IMMP2L: variants seen among roughly 807,000 people sequenced by gnomAD.
IMMP2L encodes inner mitochondrial membrane peptidase subunit 2, also known as mitochondrial inner membrane protease subunit 2.
IMMP2L carries 18 observed loss-of-function variants against 19.3 expected under a neutral mutation model. That is an observed-to-expected ratio of 0.93 (90% confidence interval 0.64 to 1.38). The LOEUF (loss-of-function observed/expected upper bound fraction) is 1.38, where lower values mean the gene tolerates loss of function less well. Among genes scored for constraint, IMMP2L ranks in the 40% most tolerant of loss-of-function variants. The pLI is 0.00. For missense variants in IMMP2L, 233 were observed against 218.2 expected (o/e 1.07, Z -0.43); for synonymous variants, 76 against 73.0 (o/e 1.04, Z -0.21).
chr7:111,554,315 C>A (rs1426279236), intron 1 of IMMP2L, among the ~76,000 whole-genome samples: 1 of 152,068 alleles, frequency 6.6e-6, no homozygotes, highest in African/African-American at 2.4e-5. Context: ...AACATATTAA[C>A]CCCCTAAGAA....
At chr7:111,106,725 T>C (rs1207742216) in intron 3 of IMMP2L, among the ~76,000 whole-genome samples, 2 of 148,088 alleles carry the variant, frequency 1.4e-5, no homozygotes, top group Non-Finnish European at 3.0e-5. Flanking sequence ...AAAACTGCCC[T>C]TACAGATCTT....
intron 5 of IMMP2L, among the ~76,000 whole-genome samples, chr7:110,865,157 G>C (rs1490172210): frequency 6.6e-6 from 1 of 151,854 alleles, no homozygotes; most frequent in African/African-American, 2.4e-5. Context: ...GATTATACGT[G>C]TCAGGAAGCG....
intron 4 of IMMP2L, among the ~76,000 whole-genome samples, chr7:110,961,164 C>T (rs950859008): frequency 6.6e-6 from 1 of 151,870 alleles, no homozygotes; most frequent in African/African-American, 2.4e-5. Flanking sequence ...TACCATAACA[C>T]TCAGCATCCC....
intron 3 of IMMP2L, among the ~76,000 whole-genome samples, chr7:111,103,817 C>T (rs1005585643): frequency 8.6e-5 from 13 of 151,588 alleles, no homozygotes; most frequent in South Asian, 4.1e-4. Flanking sequence ...ACCATTATCA[C>T]TCACCTTTCA....
intron 3 of IMMP2L, among the ~76,000 whole-genome samples, chr7:111,117,132 C>T (rs1799975380): frequency 6.6e-6 from 1 of 152,014 alleles, no homozygotes; most frequent in South Asian, 2.1e-4. Flanking sequence ...ATTCACTGAT[C>T]CTAAATTTGT....
chr7:110,777,094 AATTAGT>A (rs1045737874), intron 5 of IMMP2L, among the ~76,000 whole-genome samples: 2 of 151,984 alleles, frequency 1.3e-5, no homozygotes, highest in African/African-American at 4.8e-5. Flanking sequence ...AGTAGTAAGA[AATTAGT>A]ATCACTAGAA....
chr7:110,824,528 G>A (rs981093601), intron 5 of IMMP2L, among the ~76,000 whole-genome samples: 1 of 152,140 alleles, frequency 6.6e-6, no homozygotes, highest in South Asian at 2.1e-4. Context: ...ACCACGCCTG[G>A]CTTATTATTT....
At chr7:111,516,618 A>C (rs943396605) in intron 2 of IMMP2L, among the ~76,000 whole-genome samples, 3 of 152,260 alleles carry the variant, frequency 2.0e-5, no homozygotes, top group Admixed American at 6.5e-5. Flanking sequence ...GAAGTGAAGA[A>C]AAATCCACAA....
At chr7:110,814,280 A>AATCATTAACTG (rs1390156850) in intron 5 of IMMP2L, among the ~76,000 whole-genome samples, 1 of 151,932 alleles carries the variant, frequency 6.6e-6, no homozygotes, top group Non-Finnish European at 1.5e-5. Flanking sequence ...AAGGTAGCAA[A>AATCATTAACTG]ATCATTAACT....
At chr7:110,683,991 G>C (rs1415531532) in intron 5 of IMMP2L, among the ~76,000 whole-genome samples, 8 of 152,098 alleles carry the variant, frequency 5.3e-5, no homozygotes, top group South Asian at 2.1e-4. Flanking sequence ...TAAGACATTT[G>C]AATTTCCATA....
At chr7:111,395,195 A>C (rs912845444) in intron 3 of IMMP2L, among the ~76,000 whole-genome samples, 4 of 152,216 alleles carry the variant, frequency 2.6e-5, no homozygotes, top group Non-Finnish European at 5.9e-5. Context: ...AAGAGTAGTC[A>C]GACAGAGCAG....
At chr7:111,301,040 TAC>T (rs1480024509) in intron 3 of IMMP2L, among the ~76,000 whole-genome samples, 1 of 152,166 alleles carries the variant, frequency 6.6e-6, no homozygotes, top group Non-Finnish European at 1.5e-5. Context: ...AGAGTGGCTG[TAC>T]AATTTTGTGT....
intron 3 of IMMP2L, among the ~76,000 whole-genome samples, chr7:111,486,567 C>G (rs1350393991): frequency 6.6e-6 from 1 of 152,052 alleles, no homozygotes; most frequent in Admixed American, 6.6e-5. Context: ...TGGCTACAGT[C>G]TTCCTAGTGT....
intron 4 of IMMP2L, among the ~76,000 whole-genome samples, chr7:110,945,493 C>T (rs745530767): frequency 2.0e-5 from 3 of 151,906 alleles, no homozygotes; most frequent in East Asian, 1.9e-4. Context: ...ACATGCCTCA[C>T]GGTAAAGTAT....
chr7:111,069,717 G>C (rs980057766), intron 3 of IMMP2L, among the ~76,000 whole-genome samples: 1 of 152,064 alleles, frequency 6.6e-6, no homozygotes, highest in African/African-American at 2.4e-5. Flanking sequence ...CACATGAGGA[G>C]GCGAGATGGG....
intron 4 of IMMP2L, among the ~76,000 whole-genome samples, chr7:110,947,580 T>G (rs2129553711): frequency 6.6e-6 from 1 of 152,342 alleles, no homozygotes; most frequent in South Asian, 2.1e-4. Flanking sequence ...TTGTAAAGCT[T>G]ACTGCTTATT....
chr7:111,417,021 A>G (rs1431122395), intron 3 of IMMP2L, among the ~76,000 whole-genome samples: 2 of 151,782 alleles, frequency 1.3e-5, no homozygotes, highest in Non-Finnish European at 2.9e-5. Flanking sequence ...TTAAAGATTC[A>G]CTTTCTTAGT....
Position 110,987,045 on chromosome 7 carries a change from A to G in IMMP2L, c.240-23480T>C, listed in dbSNP as rs991612237. Among the ~76,000 whole-genome samples the G allele has an allele frequency of 3.3e-5, 5 of 152,178 alleles. 1 individual carries two copies. Among genetic ancestry groups the G allele is most frequent in the Non-Finnish European group, 4.4e-5 (3 of 68,016 alleles). On this transcript the variant is annotated intron_variant, in intron 3 of 5. Transcript: ENST00000405709. ...GATGGACAATAGTAGAGTAGGAAAAATATATATCAATCTAGTGGATAGACA... is the reference window on the plus strand; with the variant it reads ...GATGGACAATAGTAGAGTAGGAAAAGTATATATCAATCTAGTGGATAGACA...
chr7:110,881,231 T>G (rs1299442587), intron 5 of IMMP2L, among the ~76,000 whole-genome samples: 1 of 152,156 alleles, frequency 6.6e-6, no homozygotes, highest in Non-Finnish European at 1.5e-5. Flanking sequence ...GTTACACAAA[T>G]ATTTTCATTA....
Sources: allele counts gnomAD v4.1 joint callset (sites outside exome capture counted in the v4.1 genomes callset), GRCh38; gene constraint gnomAD v4.1.1; transcripts MANE v1.5; gene names NCBI Gene and HGNC (gene_info 2026-07-23, HGNC 2026-07-21).